The following TFB1M variants were observed in gnomAD, a reference collection of about 807,000 sequenced individuals.
TFB1M encodes dimethyladenosine transferase 1, mitochondrial.
Under a neutral mutation model 31.1 loss-of-function variants are expected in TFB1M, and 27 were observed. The ratio of observed to expected loss-of-function variants is 0.87; its 90% CI spans 0.64 to 1.20. The LOEUF (loss-of-function observed/expected upper bound fraction) is 1.20. Among genes scored for constraint, TFB1M ranks in the 50% most tolerant of loss-of-function variants. The pLI is 0.00. For synonymous variants in TFB1M, 166 were observed against 151.8 expected (o/e 1.09, Z -0.69); for missense variants, 394 against 418.7 (o/e 0.94, Z 0.51).
intron 5 of TFB1M, among the ~76,000 whole-genome samples, chr6:155,266,572 C>T (rs1227113100): frequency 3.9e-5 from 6 of 152,078 alleles, no homozygotes; most frequent in Non-Finnish European, 7.4e-5. Flanking sequence ...TGAGGCTGGG[C>T]GCTGTGGCTC....
chr6:155,266,948 G>T (rs1784672292), intron 5 of TFB1M, among the ~76,000 whole-genome samples: 1 of 148,064 alleles, frequency 6.8e-6, no homozygotes, highest in African/African-American at 2.5e-5. Context: ...GAGGGGAAGA[G>T]AACTCTAGAA....
At position 155,260,316 on chromosome 6, in the gene TFB1M, T is replaced by C. The variant is rs768944161; in HGVS notation, c.751A>G (p.Asn251Asp). 4 of 1,614,238 alleles carry C rather than the reference T, an allele frequency of 2.5e-6. No individual in the cohort carries two copies. The highest frequency in any genetic ancestry group is 3.4e-6 in the Non-Finnish European group (4 of 1,180,026). ...TATTTCCTTCGGAACTGAAATACAT[T>C]CTGAACCACTTTTTCCACCAGCTTG... is the stretch of plus-strand genomic sequence containing the variant. ...PFKLVEKVVQNVFQFRRKYCH... is the reference protein window; with the variant it reads ...PFKLVEKVVQDVFQFRRKYCH... Residue 251 changes from asparagine to aspartate, a missense_variant, in exon 6 of 7, where the codon AAT becomes GAT. By Grantham distance (23) the Asn-to-Asp change is conservative. Coordinates refer to ENST00000367166, the MANE Select transcript of TFB1M (RefSeq NM_016020.4).
intron 5 of TFB1M, among the ~76,000 whole-genome samples, chr6:155,283,411 A>C (rs1163339159): frequency 6.6e-6 from 1 of 152,220 alleles, no homozygotes; most frequent in African/African-American, 2.4e-5. Flanking sequence ...AAAATGTTTA[A>C]TTTGCCAAAA....
At chr6:155,272,887 T>C (rs1784998184) in intron 5 of TFB1M, among the ~76,000 whole-genome samples, 1 of 152,132 alleles carries the variant, frequency 6.6e-6, no homozygotes, top group Admixed American at 6.5e-5. Context: ...TACTGAAAGT[T>C]ATAAAATATA....
At chr6:155,250,099 T>C in the TFB1M span, 1 of 634,756 alleles carries the variant, frequency 1.6e-6, no homozygotes, top group East Asian at 2.6e-5. Flanking sequence ...TTGATAACAA[T>C]GTGTCTAATG....
chr6:155,285,873 C>T (rs1269561451), intron 4 of TFB1M, among the ~76,000 whole-genome samples: 5 of 152,050 alleles, frequency 3.3e-5, no homozygotes. Flanking sequence ...TTCATAAATG[C>T]AATGCAATTT....
At chr6:155,294,766 T>C (rs891006319) in intron 4 of TFB1M, among the ~76,000 whole-genome samples, 1 of 152,162 alleles carries the variant, frequency 6.6e-6, no homozygotes, top group African/African-American at 2.4e-5. Context: ...TATGCAGTGG[T>C]GAAGATTTGC....
At chr6:155,239,287 T>C in the TFB1M span, among the ~76,000 whole-genome samples, 1 of 152,144 alleles carries the variant, frequency 6.6e-6, no homozygotes, top group Non-Finnish European at 1.5e-5. Context: ...GTCATTTGTG[T>C]TGGGACTCAG....
At chr6:155,250,029 C>A in the TFB1M span, 2 of 1,311,414 alleles carry the variant, frequency 1.5e-6, no homozygotes, top group Non-Finnish European at 2.1e-6. Flanking sequence ...CTGTAGGTGA[C>A]CTTCTAGATA....
the TFB1M span, among the ~76,000 whole-genome samples, chr6:155,239,983 A>G: frequency 2.6e-5 from 4 of 152,212 alleles, no homozygotes; most frequent in South Asian, 8.3e-4. Flanking sequence ...TCTACTTGCC[A>G]CAAGACTGTG....
chr6:155,275,544 C>G, intron 5 of TFB1M: 1 of 642,384 alleles, frequency 1.6e-6, no homozygotes, highest in Non-Finnish European at 2.7e-6. Flanking sequence ...GTTCTTGGCT[C>G]CTACTCTAAA....
chr6:155,254,714 A>G (rs976301082), downstream of TFB1M: 5 of 1,073,358 alleles, frequency 4.7e-6, no homozygotes, highest in Non-Finnish European at 6.6e-6. Context: ...AAACCTAAAC[A>G]TGCCTCTTGC....
At chr6:155,296,608 T>C (rs887847793) in intron 4 of TFB1M, among the ~76,000 whole-genome samples, 1 of 151,314 alleles carries the variant, frequency 6.6e-6, no homozygotes, top group Non-Finnish European at 1.5e-5. Flanking sequence ...GCCATGCCAT[T>C]AAGCCTAAAG....
the TFB1M span, among the ~76,000 whole-genome samples, chr6:155,230,258 G>A: frequency 4.6e-5 from 7 of 152,160 alleles, no homozygotes; most frequent in Non-Finnish European, 7.4e-5. Context: ...TCTTTGTGGT[G>A]TCCACAGTTC....
chr6:155,309,933 C>G (rs1777947538), intron 2 of TFB1M, among the ~76,000 whole-genome samples: 2 of 151,868 alleles, frequency 1.3e-5, no homozygotes, highest in South Asian at 4.2e-4. Context: ...TATCTGAAAC[C>G]AATTCTGTTA....
At position 155,298,512 on chromosome 6, in the gene TFB1M, GC is replaced by G; in HGVS notation, c.358del (p.Ala120LeufsTer31). ...GDVLTFKVEKAFSESLKRPWE... is the reference protein window; with the variant it reads ...GDVLTFKVEKXFSESLKRPWE... ...GGGTCTTTTAAGACTTTCTGAAAAA[GC>G]CTTTTCTACCTTAAATGTCAAGACA... On this transcript the variant is annotated frameshift_variant, in exon 3 of 7. Transcript: ENST00000367166. LOFTEE classifies it high-confidence loss of function. The G allele has an allele frequency of 6.2e-7, 1 of 1,612,802 alleles. No homozygotes were observed. The highest frequency in any genetic ancestry group is 1.1e-5 in the South Asian group (1 of 91,060).
chr6:155,310,118 CAT>C (rs935654683), intron 2 of TFB1M, among the ~76,000 whole-genome samples: 2 of 152,160 alleles, frequency 1.3e-5, no homozygotes, highest in African/African-American at 4.8e-5. Flanking sequence ...CAGAAATTAA[CAT>C]TTTTCCATTA....
At chr6:155,252,796 T>C (rs1222326694), downstream of TFB1M, 8 of 634,894 alleles carry the variant, frequency 1.3e-5, no homozygotes, top group African/African-American at 1.1e-4. Context: ...GAGAACTGGG[T>C]GCGTAGCTGA....
At chr6:155,278,853 ACACAGAAAGCAGTTGGTG>A (rs1785346319) in intron 5 of TFB1M, among the ~76,000 whole-genome samples, 1 of 152,216 alleles carries the variant, frequency 6.6e-6, no homozygotes, top group Admixed American at 6.5e-5. Flanking sequence ...ATGAGATGAT[ACACAGAAAGCAGTTGGTG>A]CACAGAAAGC....
Sources: allele counts gnomAD v4.1 joint callset (sites outside exome capture counted in the v4.1 genomes callset), GRCh38; gene constraint gnomAD v4.1.1; transcripts MANE v1.5; gene names NCBI Gene and HGNC (gene_info 2026-07-23, HGNC 2026-07-21).